Variants in FNIP2 observed in about 807,000 individuals in gnomAD.
The protein encoded by FNIP2 is folliculin-interacting protein 2.
FNIP2 carries 32 observed loss-of-function variants against 108.7 expected under a neutral mutation model. The ratio of observed to expected loss-of-function variants is 0.29; its 90% CI spans 0.22 to 0.40. The LOEUF is 0.40. FNIP2 is among the 10% of genes least tolerant of loss of function. The pLI is 1.00. For synonymous variants in FNIP2, 480 were observed against 496.7 expected (o/e 0.97, Z 0.45); for missense variants, 1,202 against 1,381.6 (o/e 0.87, Z 2.06).
At chr4:158,865,854 C>T (rs1167654989) in intron 12 of FNIP2, among the ~76,000 whole-genome samples, 3 of 152,096 alleles carry the variant, frequency 2.0e-5, no homozygotes, top group African/African-American at 4.8e-5. Flanking sequence ...AAACGCCTCT[C>T]AGTTAAAGCT....
intron 1 of FNIP2, among the ~76,000 whole-genome samples, chr4:158,786,235 A>C (rs1205972429): frequency 6.6e-6 from 1 of 152,194 alleles, no homozygotes; most frequent in Non-Finnish European, 1.5e-5. Context: ...CACTCTGTTT[A>C]TATTTCTCCT....
At chr4:158,890,362 A>T in intron 14 of FNIP2, 2 of 985,082 alleles carry the variant, frequency 2.0e-6, no homozygotes, top group Non-Finnish European at 2.4e-6. Flanking sequence ...CCCCTTGGAT[A>T]ATAGTAGGAA....
Position 158,858,764 on chromosome 4 carries a change from TATC to T in FNIP2, c.858-288_858-286del, listed in dbSNP as rs374625044. Among the ~76,000 whole-genome samples the T allele has an allele frequency of 2.8e-3, 423 of 152,326 alleles. 3 individuals are homozygous for T. The highest frequency in any genetic ancestry group is 9.7e-3 in the African/African-American group (402 of 41,572). On this transcript the variant is annotated intron_variant, in intron 8 of 16. Transcript: ENST00000264433. ...CAGATATTTCACATTCCTTCCTAAA[TATC>T]ATCAATTTGACATAAAACGATTCAA... is the stretch of plus-strand genomic sequence containing the variant.
intron 1 of FNIP2, among the ~76,000 whole-genome samples, chr4:158,769,861 C>G (rs184874065): frequency 6.6e-6 from 1 of 152,198 alleles, no homozygotes; most frequent in Admixed American, 6.5e-5. Flanking sequence ...AGGTTGATGC[C>G]GCATGATGTG....
intron 1 of FNIP2, among the ~76,000 whole-genome samples, chr4:158,808,286 A>T (rs1373019887): frequency 6.6e-6 from 1 of 152,194 alleles, no homozygotes; most frequent in Non-Finnish European, 1.5e-5. Flanking sequence ...TGCAGGGCCA[A>T]TTTTTTAAAA....
chr4:158,877,331 C>T (rs1025899706), intron 14 of FNIP2, among the ~76,000 whole-genome samples: 2 of 152,166 alleles, frequency 1.3e-5, no homozygotes, highest in African/African-American at 4.8e-5. Flanking sequence ...CACTTTGAAC[C>T]CTTTCTTCTT....
intron 1 of FNIP2, among the ~76,000 whole-genome samples, chr4:158,783,069 T>C (rs952524431): frequency 2.6e-5 from 4 of 152,250 alleles, no homozygotes; most frequent in Admixed American, 6.5e-5. Flanking sequence ...GTATTGAGTT[T>C]TACAGCTTGG....
At position 158,868,498 on chromosome 4, in the gene FNIP2, G is replaced by C; in HGVS notation, c.1862G>C (p.Arg621Thr). The change falls in exon 13 of 17, where the codon AGG becomes ACG. Residue 621 changes from arginine to threonine, a missense_variant. By Grantham distance (71) the Arg-to-Thr change is moderately conservative (BLOSUM62 -1). Around this residue, in one of 5 missense-constraint regions of FNIP2, gnomAD observed 878 missense variants for 990.3 expected, o/e 0.89. Coordinates refer to ENST00000264433, the MANE Select transcript of FNIP2 (RefSeq NM_020840.3). The surrounding 1 kb of genome is among the most constrained non-coding windows in gnomAD (Gnocchi z 4.6). ...AAACCTGACAAAGAAGCTAACAGGA[G>C]GCCAGAGCAGGGTTCTGAGGCTTGC... ...GLKPDKEANR[R>T]PEQGSEACSA... 1.9e-6 allele frequency: 3 copies of C among 1,614,036 alleles called. No individual in the cohort carries two copies. Among genetic ancestry groups the C allele is most frequent in the Non-Finnish European group, 2.5e-6 (3 of 1,179,894 alleles).
chr4:158,809,598 G>A (rs748166902), intron 1 of FNIP2, among the ~76,000 whole-genome samples: 3 of 152,016 alleles, frequency 2.0e-5, no homozygotes, highest in African/African-American at 7.2e-5. Context: ...AAACTTTCCC[G>A]GCAAATTAGC....
intron 12 of FNIP2, among the ~76,000 whole-genome samples, chr4:158,865,833 C>G (rs1780545322): frequency 6.6e-6 from 1 of 152,140 alleles, no homozygotes; most frequent in Non-Finnish European, 1.5e-5. Context: ...GCTGATTTCT[C>G]AGTCACTTGC....
At chr4:158,871,013 A>G (rs1183498487) in intron 14 of FNIP2, among the ~76,000 whole-genome samples, 2 of 152,272 alleles carry the variant, frequency 1.3e-5, no homozygotes, top group Non-Finnish European at 2.9e-5. Flanking sequence ...ATATGCCGTC[A>G]CGGTGAGGAC....
chr4:158,863,343 C>T (rs73858597), intron 12 of FNIP2, among the ~76,000 whole-genome samples: 10,108 of 152,284 alleles, frequency 0.066, 428 homozygotes, highest in African/African-American at 0.12. Flanking sequence ...ATAGAAACTG[C>T]TGGGAATACA....
intron 1 of FNIP2, among the ~76,000 whole-genome samples, chr4:158,803,901 A>G (rs1379008778): frequency 6.6e-6 from 1 of 152,084 alleles, no homozygotes; most frequent in Non-Finnish European, 1.5e-5. Flanking sequence ...AAAGAAGCAC[A>G]CTGCTTGTTA....
chr4:158,893,330 A>C (rs1782407778), intron 15 of FNIP2: 1 of 185,736 alleles, frequency 5.4e-6, no homozygotes, highest in African/African-American at 2.3e-5. Flanking sequence ...ACTCTTTCAA[A>C]GCCTTAATTT....
intron 7 of FNIP2, among the ~76,000 whole-genome samples, chr4:158,839,024 A>G (rs898370126): frequency 6.6e-6 from 1 of 152,226 alleles, no homozygotes; most frequent in African/African-American, 2.4e-5. Context: ...CTATAAGGGT[A>G]TATATCACCA....
At chr4:158,841,267 G>C (rs1204787593) in intron 7 of FNIP2, among the ~76,000 whole-genome samples, 1 of 152,142 alleles carries the variant, frequency 6.6e-6, no homozygotes, top group African/African-American at 2.4e-5. Context: ...TGGGGTGAGG[G>C]TTCCTGCATA....
intron 12 of FNIP2, among the ~76,000 whole-genome samples, chr4:158,863,979 A>G (rs551772664): frequency 3.9e-5 from 6 of 152,326 alleles, no homozygotes; most frequent in African/African-American, 1.2e-4. Flanking sequence ...GAATTAGACT[A>G]CAAATCAATT....
chr4:158,770,510 T>C (rs867641906), intron 1 of FNIP2, among the ~76,000 whole-genome samples: 1 of 152,196 alleles, frequency 6.6e-6, no homozygotes, highest in African/African-American at 2.4e-5. Flanking sequence ...TTGAATTCCA[T>C]CATTTAAAAC....
chr4:158,869,272 C>G lies in FNIP2; in HGVS notation c.2636C>G (p.Ala879Gly). 1 of 1,613,996 alleles carries G rather than the reference C, an allele frequency of 6.2e-7. No homozygotes were observed. The highest frequency in any genetic ancestry group is 8.5e-7 in the Non-Finnish European group (1 of 1,179,882). Reference sequence around the variant, plus strand: ...CCCTGTGGGGATGACAACAAGAAGGCCAACTTCAGGACTGAAGGAGACATT... The same window carrying G: ...CCCTGTGGGGATGACAACAAGAAGGGCAACTTCAGGACTGAAGGAGACATT... Reference protein sequence around the residue: ...NIPCGDDNKKANFRTEGDIPR... With the variant: ...NIPCGDDNKKGNFRTEGDIPR... Residue 879 changes from alanine (A) to glycine (G), a missense_variant, in exon 13 of 17, where the codon GCC becomes GGC. By Grantham distance (60) the Ala-to-Gly change is moderately conservative. This residue lies in a region of FNIP2 where 878 missense variants were observed against 990.3 expected (regional missense o/e 0.89). Coordinates refer to ENST00000264433, the MANE Select transcript of FNIP2 (RefSeq NM_020840.3).
Sources: allele counts gnomAD v4.1 joint callset (sites outside exome capture counted in the v4.1 genomes callset), GRCh38; gene constraint gnomAD v4.1.1; regional missense constraint gnomAD v4.1.1; non-coding constraint Gnocchi (gnomAD v3.1); transcripts MANE v1.5; gene names NCBI Gene and HGNC (gene_info 2026-07-23, HGNC 2026-07-21).